Variants in DRAM1 observed in about 807,000 individuals in gnomAD.
DRAM1 encodes DNA damage-regulated autophagy modulator protein 1.
A neutral mutation model predicts 28.5 loss-of-function variants in DRAM1; 25 were observed. The ratio of observed to expected loss-of-function variants is 0.88; its 90% confidence interval spans 0.64 to 1.23. The LOEUF (loss-of-function observed/expected upper bound fraction) is 1.23, where lower values mean the gene tolerates loss of function less well. DRAM1 is among the 50% of genes most tolerant of loss of function. The pLI, the probability that DRAM1 is intolerant of heterozygous loss-of-function variation, is 0.00. For missense variants in DRAM1, 249 were observed against 299.2 expected, an observed-to-expected ratio of 0.83 and a Z score of 1.24; for synonymous variants, 113 against 114.2, an observed-to-expected ratio of 0.99 and a Z score of 0.07.
At chr12:101,896,513 C>T (rs1566124458) in intron 1 of DRAM1, among the ~76,000 whole-genome samples, 1 of 151,992 alleles carries the variant, frequency 6.6e-6, no homozygotes, top group Non-Finnish European at 1.5e-5. Context: ...CCTGTAATCC[C>T]AGCACTTTCG....
At chr12:101,897,802 C>A in intron 1 of DRAM1, 61 bp from the exon 2 acceptor site, 1 of 1,236,218 alleles carries the variant, frequency 8.1e-7, no homozygotes, top group Non-Finnish European at 1.2e-6. Context: ...AATTACGTGT[C>A]TTCCCAGAGG....
At chr12:101,897,063 A>G (rs1007498912) in intron 1 of DRAM1, among the ~76,000 whole-genome samples, 9 of 152,178 alleles carry the variant, frequency 5.9e-5, no homozygotes, top group African/African-American at 1.7e-4. Flanking sequence ...CTGGGATTAC[A>G]GGCGTGAGCC....
chr12:101,881,538 T>C (rs569673693), intron 1 of DRAM1, among the ~76,000 whole-genome samples: 2 of 152,266 alleles, frequency 1.3e-5, no homozygotes, highest in South Asian at 4.2e-4. Flanking sequence ...CCTCTACCCC[T>C]ACTCTTTGTA....
chr12:101,921,276 G>C lies in DRAM1; in HGVS notation c.*16G>C. ...TGATATTTGAAGAAAGAAGAATTCA[G>C]TCTCACTCAGTGAATGTCGCAGGCC... On this transcript the variant is annotated 3_prime_UTR_variant, in exon 7 of 7. Transcript: ENST00000258534. 1 of 1,602,224 alleles carries C rather than the reference G, an allele frequency of 6.2e-7. No individual in the cohort carries two copies.
intron 4 of DRAM1, among the ~76,000 whole-genome samples, chr12:101,912,391 T>A (rs1291934447): frequency 1.3e-5 from 2 of 152,198 alleles, no homozygotes; most frequent in Non-Finnish European, 2.9e-5. Flanking sequence ...CCAGTTCTTT[T>A]CTGTCTACTA....
intron 1 of DRAM1, among the ~76,000 whole-genome samples, chr12:101,891,051 C>T (rs542247813): frequency 6.6e-6 from 1 of 151,986 alleles, no homozygotes; most frequent in Non-Finnish European, 1.5e-5. Context: ...GCCCGGCCTG[C>T]CCCCCACATT....
At chr12:101,914,140 T>C in intron 4 of DRAM1, 34 bp from the exon 5 acceptor site, 6 of 1,480,888 alleles carry the variant, frequency 4.1e-6, no homozygotes, top group Non-Finnish European at 5.6e-6. Flanking sequence ...AACTGTTGTG[T>C]GCTGTAGTTT....
chr12:101,898,107 A>G (rs1055588288), intron 2 of DRAM1, among the ~76,000 whole-genome samples, 177 bp downstream of exon 2: 2 of 152,126 alleles, frequency 1.3e-5, no homozygotes, highest in African/African-American at 4.8e-5. Flanking sequence ...TGCAGCCTCA[A>G]CCTGCCAGGC....
chr12:101,898,455 A>G (rs893027523), intron 2 of DRAM1, among the ~76,000 whole-genome samples: 3 of 152,158 alleles, frequency 2.0e-5, no homozygotes, highest in Non-Finnish European at 4.4e-5. Flanking sequence ...TTGTAACAGG[A>G]TTTGCTGTAG....
At chr12:101,891,265 A>G (rs1873118242) in intron 1 of DRAM1, among the ~76,000 whole-genome samples, 1 of 152,140 alleles carries the variant, frequency 6.6e-6, no homozygotes. Flanking sequence ...TCAATCATCC[A>G]AGCAATTAGT....
chr12:101,893,042 T>C (rs1009399050), intron 1 of DRAM1, among the ~76,000 whole-genome samples: 1 of 152,256 alleles, frequency 6.6e-6, no homozygotes, highest in African/African-American at 2.4e-5. Flanking sequence ...GTGGGTGTTA[T>C]AGCCTCAGTC....
intron 5 of DRAM1, among the ~76,000 whole-genome samples, chr12:101,919,319 T>TTTA (rs1874384352): frequency 6.6e-6 from 1 of 151,854 alleles, no homozygotes; most frequent in Admixed American, 6.6e-5. Context: ...TTTGTTTTTT[T>TTTA]AAACCCCTTT....
intron 3 of DRAM1, among the ~76,000 whole-genome samples, chr12:101,904,011 G>C (rs1018767797): frequency 3.9e-5 from 6 of 151,968 alleles, no homozygotes; most frequent in African/African-American, 1.5e-4. Context: ...TTTTGAGACA[G>C]AGTCTCTCTC....
At chr12:101,880,278 C>CT (rs61082909) in intron 1 of DRAM1, among the ~76,000 whole-genome samples, 1,064 of 70,090 alleles carry the variant, frequency 0.015, 64 homozygotes, top group Non-Finnish European at 0.02. Flanking sequence ...GCAATGCTTC[C>CT]TTTTTTTTTT....
intron 2 of DRAM1, among the ~76,000 whole-genome samples, chr12:101,898,385 T>C (rs554868447): frequency 2.2e-4 from 34 of 152,312 alleles, no homozygotes; most frequent in African/African-American, 7.9e-4. Flanking sequence ...TTTGAGAAAC[T>C]GAAGTTAAAA....
At chr12:101,884,651 T>C (rs901259314) in intron 1 of DRAM1, among the ~76,000 whole-genome samples, 12 of 152,210 alleles carry the variant, frequency 7.9e-5, no homozygotes, top group Non-Finnish European at 1.3e-4. Context: ...GGATAGATTG[T>C]GGCCTTTGGC....
At chr12:101,893,913 T>TG (rs1371292410) in intron 1 of DRAM1, among the ~76,000 whole-genome samples, 12 of 144,606 alleles carry the variant, frequency 8.3e-5, no homozygotes, top group Admixed American at 2.7e-4. Flanking sequence ...TTCACCTGTA[T>TG]GTTTTTTTTT....
chr12:101,887,143 T>C (rs10778156), intron 1 of DRAM1, among the ~76,000 whole-genome samples: 93,595 of 144,164 alleles, frequency 0.65, 31,958 homozygotes, highest in East Asian at 0.9. Context: ...GAAACTCCGT[T>C]TCAAAAAAAA....
chr12:101,919,780 G>A (rs1226659340), intron 5 of DRAM1, among the ~76,000 whole-genome samples: 1 of 152,198 alleles, frequency 6.6e-6, no homozygotes. Context: ...TGCCTTGTAT[G>A]GAAATTTCTT....
Sources: gnomAD v4.1 joint callset for allele counts (sites outside exome capture counted in the v4.1 genomes callset) on GRCh38, gnomAD v4.1.1 for gene constraint, MANE v1.5 for transcripts, NCBI Gene and HGNC (gene_info 2026-07-23, HGNC 2026-07-21) for gene names.